Variants in SFXN1 observed in about 807,000 individuals in gnomAD.
SFXN1 encodes sideroflexin-1.
SFXN1 carries 32 observed loss-of-function variants against 39.5 expected under a neutral mutation model. The observed-to-expected ratio is 0.81, with a 90% CI of 0.61 to 1.09. The LOEUF is 1.09. Among genes scored for constraint, SFXN1 ranks in the 50% least tolerant of loss-of-function variants. The pLI is 0.00. For synonymous variants in SFXN1, 136 were observed against 146.5 expected (o/e 0.93, Z 0.52); for missense variants, 402 against 407.1 (o/e 0.99, Z 0.11).
chr5:175,520,537 C>A (rs1490921246), intron 8 of SFXN1, among the ~76,000 whole-genome samples: 1 of 152,086 alleles, frequency 6.6e-6, no homozygotes, highest in Non-Finnish European at 1.5e-5. Flanking sequence ...GTGCAAAGAG[C>A]CTTTCCGTCA....
At chr5:175,520,379 C>T (rs563167252) in intron 8 of SFXN1, among the ~76,000 whole-genome samples, 1 of 152,276 alleles carries the variant, frequency 6.6e-6, no homozygotes, top group South Asian at 2.1e-4. Context: ...AAACACCAAA[C>T]ATCCTCAGCT....
Position 175,522,408 on chromosome 5 carries a change from G to T in SFXN1, c.858G>T (p.Leu286=), listed in dbSNP as rs765608653. 5.0e-6 allele frequency: 8 copies of T among 1,611,882 alleles called. No individual in the cohort carries two copies. Among genetic ancestry groups the T allele is most frequent in the African/African-American group, 1.3e-5 (1 of 74,906 alleles). ...TTGCTACACCCCTGTGTTGTGCCCT[G>T]TTTCCTCAGAAAAGGTATGTATTTG... The part of the protein sequence containing the change: ...LVFATPLCCA[L]FPQKSSMSVT... The change falls in exon 10 of 11, where the codon CTG becomes CTT. Residue 286 remains leucine (L), a synonymous_variant. Coordinates refer to ENST00000321442, the MANE Select transcript of SFXN1 (RefSeq NM_022754.7).
Position 175,514,568 on chromosome 5 carries a change from A to T in SFXN1, c.724+978A>T, listed in dbSNP as rs1420928967. The stretch of plus-strand genomic sequence containing the variant: ...ATGCAAACAGCGCTTGGCAATTAAA[A>T]TGAAGCTCTCCAATGAAGTATACTT... On this transcript the variant is annotated intron_variant, in intron 7 of 10. Coordinates refer to ENST00000321442, the MANE Select transcript of SFXN1 (RefSeq NM_022754.7). Among the ~76,000 whole-genome samples the T allele has an allele frequency of 2.0e-5, 3 of 152,224 alleles. No individual in the cohort carries two copies. In the East Asian group the frequency reaches 5.8e-4, roughly 29 times the overall value.
At chr5:175,487,903 AT>A (rs1248771827) in intron 1 of SFXN1, among the ~76,000 whole-genome samples, 2 of 152,112 alleles carry the variant, frequency 1.3e-5, no homozygotes, top group Non-Finnish European at 2.9e-5. Flanking sequence ...CACATCTAAG[AT>A]GTCAAGAAAT....
At chr5:175,522,008 A>T in intron 9 of SFXN1, 40 bp downstream of exon 9, 7 of 1,523,992 alleles carry the variant, frequency 4.6e-6, no homozygotes, top group Non-Finnish European at 4.5e-6. Context: ...TTTCTTTTAA[A>T]ATATAAATAC....
chr5:175,513,380 G>A (rs1393994709), intron 6 of SFXN1, 83 bp from the exon 7 acceptor site: 3 of 1,470,396 alleles, frequency 2.0e-6, no homozygotes, highest in Admixed American at 3.8e-5. Flanking sequence ...TAAGTAGAGG[G>A]TTGATCTTTC....
intron 1 of SFXN1, among the ~76,000 whole-genome samples, chr5:175,488,445 T>A (rs1258431259): frequency 6.6e-6 from 1 of 151,994 alleles, no homozygotes. Flanking sequence ...TGGGATTACA[T>A]GCATGCACCA....
chr5:175,486,857 A>G (rs1280948381), intron 1 of SFXN1, among the ~76,000 whole-genome samples: 3 of 152,226 alleles, frequency 2.0e-5, no homozygotes, highest in African/African-American at 7.2e-5. Flanking sequence ...AGGTTGCCTT[A>G]TATTTAACAA....
At chr5:175,516,146 G>A (rs1760710828) in intron 7 of SFXN1, among the ~76,000 whole-genome samples, 2 of 151,968 alleles carry the variant, frequency 1.3e-5, no homozygotes, top group African/African-American at 4.8e-5. Context: ...TCCTCCTGCT[G>A]GGCAGCCCTA....
Position 175,508,877 on chromosome 5 carries a change from C to T in SFXN1, c.165-155C>T, listed in dbSNP as rs529342162. On this transcript the variant is annotated intron_variant, in intron 2 of 10. Coordinates refer to ENST00000321442, the MANE Select transcript of SFXN1 (RefSeq NM_022754.7). ...ATCTCTATCTCTTGACCTTGTGATC[C>T]ACCTGCCTCAGCCTCCCAAAGTGCT... Among the ~76,000 whole-genome samples the T allele has an allele frequency of 6.6e-5, 10 of 152,210 alleles. No homozygotes were observed. In the South Asian group the frequency reaches 2.1e-3, roughly 32 times the overall value.
intron 1 of SFXN1, among the ~76,000 whole-genome samples, chr5:175,489,025 T>G (rs1759557312): frequency 6.6e-6 from 1 of 152,244 alleles, no homozygotes; most frequent in African/African-American, 2.4e-5. Context: ...AATTTTTGTC[T>G]TCTTTGTTCA....
intron 1 of SFXN1, among the ~76,000 whole-genome samples, chr5:175,488,983 T>C (rs1759554743): frequency 6.6e-6 from 1 of 152,260 alleles, no homozygotes; most frequent in African/African-American, 2.4e-5. Flanking sequence ...CCTTTCACTC[T>C]GCCATCCCAG....
Position 175,492,093 on chromosome 5 carries a change from A to C in SFXN1, c.-9-2A>C. 1 of 1,599,956 alleles carries C rather than the reference A, an allele frequency of 6.3e-7. No individual in the cohort carries two copies. The highest frequency in any genetic ancestry group is 8.5e-7 in the Non-Finnish European group (1 of 1,174,818). On this transcript the variant is annotated splice_acceptor_variant, in intron 1 of 10. Coordinates refer to ENST00000321442, the MANE Select transcript of SFXN1 (RefSeq NM_022754.7). LOFTEE classifies it low-confidence loss of function (5UTR_SPLICE). ...CGAACTTGCCTTTTTGACTCTTTGC[A>C]GTCCGGGACCATGTCTGGAGAACTA...
rs1760593486 is a variant in SFXN1, at chr5:175,513,322, A to C, written c.597-141A>C. 1.2e-5 allele frequency: 7 copies of C among 566,894 alleles called. No individual in the cohort carries two copies. In the South Asian group the frequency reaches 1.7e-4, roughly 14 times the overall value. 35.1% of individuals were successfully genotyped at this position (566,894 alleles called of 1,614,324 possible). A position where few individuals can be genotyped will look rare whatever the true frequency, so the allele number is the denominator to read the frequency against. Reference sequence around the variant, plus strand: ...AAAAAAAAAAAAAAAAAAAAAAAAAAAACAGATGTGTCAGTACCAAAAATG... The same window carrying C: ...AAAAAAAAAAAAAAAAAAAAAAAAACAACAGATGTGTCAGTACCAAAAATG... On this transcript the variant is annotated intron_variant, in intron 6 of 10. Transcript: ENST00000321442.
chr5:175,510,270 T>A (rs1435698030), intron 4 of SFXN1, 63 bp downstream of exon 4: 2 of 1,323,292 alleles, frequency 1.5e-6, no homozygotes, highest in Non-Finnish European at 1.1e-6. Context: ...TAAGTGGTGA[T>A]ACTCTCCTGT....
intron 2 of SFXN1, among the ~76,000 whole-genome samples, chr5:175,505,915 G>A (rs1222322750): frequency 6.6e-6 from 1 of 152,158 alleles, no homozygotes; most frequent in Non-Finnish European, 1.5e-5. Flanking sequence ...TGCCTCCCGG[G>A]TTCAAGCAAT....
intron 7 of SFXN1, chr5:175,513,805 C>CG: frequency 2.3e-6 from 1 of 437,072 alleles, no homozygotes; most frequent in Non-Finnish European, 4.2e-6. Flanking sequence ...GTAGGGCAGC[C>CG]GGGGAAGAGC....
chr5:175,485,848 G>A lies in SFXN1; in HGVS notation c.-9-6247G>A, dbSNP rs368738353. 3.3e-5 allele frequency among the ~76,000 whole-genome samples: 5 copies of A among 152,298 alleles called. No homozygotes were observed. In the East Asian group the frequency reaches 5.8e-4, roughly 18 times the overall value. On this transcript the variant is annotated intron_variant, in intron 1 of 10. Coordinates refer to ENST00000321442, the MANE Select transcript of SFXN1 (RefSeq NM_022754.7). ...CTGCTGCTTCCCTTGCTGGAAAGATGGGGTGGCTTTGAATGACATCCCAGA... is the reference window on the plus strand; with the variant it reads ...CTGCTGCTTCCCTTGCTGGAAAGATAGGGTGGCTTTGAATGACATCCCAGA...
At chr5:175,509,859 C>T (rs930728014) in intron 3 of SFXN1, among the ~76,000 whole-genome samples, 2 of 152,124 alleles carry the variant, frequency 1.3e-5, no homozygotes, top group African/African-American at 4.8e-5. Flanking sequence ...AGGCTCTCTA[C>T]AAATTTTATC....
Sources: allele counts gnomAD v4.1 joint callset (sites outside exome capture counted in the v4.1 genomes callset), GRCh38; gene constraint gnomAD v4.1.1; transcripts MANE v1.5; gene names NCBI Gene and HGNC (gene_info 2026-07-23, HGNC 2026-07-21).